Variants in DMD observed in about 807,000 individuals in gnomAD.
DMD encodes the protein dystrophin.
Under a neutral mutation model 330.1 loss-of-function variants are expected in DMD, and 63 were observed. The observed-to-expected ratio is 0.19, with a 90% confidence interval of 0.16 to 0.24. The LOEUF is 0.24. Among genes scored for constraint, DMD ranks in the 10% least tolerant of loss-of-function variants. The probability of loss-of-function intolerance (pLI) is 1.00; values close to 1 mark genes in which losing one functional copy is unlikely to be tolerated. For missense variants in DMD, 3,344 were observed against 2,684.1 expected, an observed-to-expected ratio of 1.25 and a Z score of -5.43; for synonymous variants, 1,223 against 959.8, an observed-to-expected ratio of 1.27 and a Z score of -5.07.
intron 45 of DMD, among the ~76,000 whole-genome samples, chrX:31,948,412 A>T (rs1455312242): frequency 9.0e-6 from 1 of 111,369 alleles, no homozygotes; most frequent in Non-Finnish European, 1.9e-5. Context: ...ATCATATGGT[A>T]GTTCTATTTT....
intron 55 of DMD, among the ~76,000 whole-genome samples, chrX:31,594,778 A>C (rs1192558660): frequency 9.0e-6 from 1 of 111,044 alleles, no homozygotes; most frequent in Non-Finnish European, 1.9e-5. Context: ...CATATCATTG[A>C]GACCCACACT....
intron 11 of DMD, among the ~76,000 whole-genome samples, chrX:32,617,109 G>A (rs1462379339): frequency 9.1e-6 from 1 of 110,343 alleles, no homozygotes; most frequent in East Asian, 2.9e-4. Context: ...AAGCACAAAT[G>A]GTCAACTGAG....
chrX:31,562,007 C>A (rs778915337), intron 55 of DMD, among the ~76,000 whole-genome samples: 5 of 112,063 alleles, frequency 4.5e-5, no homozygotes, highest in Non-Finnish European at 9.4e-5. Context: ...TATATCTCTC[C>A]ATTCCTCCTT....
At chrX:32,240,216 C>G (rs2097202864) in intron 43 of DMD, among the ~76,000 whole-genome samples, 2 of 111,918 alleles carry the variant, frequency 1.8e-5, no homozygotes, top group African/African-American at 6.5e-5. Context: ...CATTACATAT[C>G]ATTAATTGTA....
chrX:32,592,730 G>C (rs1365828105), intron 13 of DMD, among the ~76,000 whole-genome samples: 8 of 112,377 alleles, frequency 7.1e-5, no homozygotes, highest in Non-Finnish European at 9.4e-5. Flanking sequence ...AAACAGAGAA[G>C]AGCTGTGGCC....
intron 7 of DMD, among the ~76,000 whole-genome samples, chrX:32,707,102 A>T (rs1385602881): frequency 1.1e-5 from 1 of 89,876 alleles, no homozygotes; most frequent in Non-Finnish European, 1.9e-5. Context: ...GGAGGGGGTA[A>T]AAAAAAATCT....
rs901398784 is a variant in DMD, at chrX:32,500,555, T to G, written c.2380+1200A>C. On this transcript the variant is annotated intron_variant, in intron 19 of 78. Coordinates refer to ENST00000357033, the MANE Select transcript of DMD (RefSeq NM_004006.3). ...TCAGCTTATTAAAATGAAAAAGTGATAATACAGTTTCTAGGGGGAACTTAC... is the reference window on the plus strand; with the variant it reads ...TCAGCTTATTAAAATGAAAAAGTGAGAATACAGTTTCTAGGGGGAACTTAC... 3.6e-5 allele frequency among the ~76,000 whole-genome samples: 4 copies of G among 111,858 alleles called. No individual in the cohort carries two copies. The South Asian group carries it at 1.1e-3, about 31-fold the overall frequency.
intron 1 of DMD, among the ~76,000 whole-genome samples, chrX:33,161,211 A>C (rs1277086098): frequency 9.0e-6 from 1 of 111,606 alleles, no homozygotes; most frequent in Non-Finnish European, 1.9e-5. Context: ...TAGTCACATC[A>C]TTTATATCAT....
At chrX:32,308,297 T>C in intron 42 of DMD, among the ~76,000 whole-genome samples, 1 of 111,481 alleles carries the variant, frequency 9.0e-6, no homozygotes, top group Non-Finnish European at 1.9e-5. Context: ...CTTACTATAG[T>C]TCTGTAATTT....
intron 30 of DMD, among the ~76,000 whole-genome samples, chrX:32,405,688 T>C (rs2098113378): frequency 9.0e-6 from 1 of 111,658 alleles, no homozygotes; most frequent in African/African-American, 3.3e-5. Context: ...GGTAGCATGA[T>C]GACTCCAGCT....
At chrX:32,533,220 A>G (rs1254871484) in intron 17 of DMD, among the ~76,000 whole-genome samples, 3 of 111,268 alleles carry the variant, frequency 2.7e-5, no homozygotes, top group Non-Finnish European at 5.7e-5. Context: ...CTCTCTCAAA[A>G]ATATGCAATG....
chrX:33,315,426 C>T (rs766952923), intron 1 of DMD, among the ~76,000 whole-genome samples: 4 of 111,685 alleles, frequency 3.6e-5, no homozygotes, highest in Admixed American at 9.5e-5. Context: ...TAAAGTCAGC[C>T]ATGTGAGTGT....
intron 7 of DMD, among the ~76,000 whole-genome samples, chrX:32,793,139 C>T (rs1339178102): frequency 8.9e-6 from 1 of 111,783 alleles, no homozygotes; most frequent in Non-Finnish European, 1.9e-5. Flanking sequence ...AAAAGAGAAA[C>T]TTTGGAACCT....
At chrX:32,149,262 T>C (rs774856009) in intron 44 of DMD, among the ~76,000 whole-genome samples, 12 of 111,837 alleles carry the variant, frequency 1.1e-4, no homozygotes, top group South Asian at 3.7e-4. Context: ...TTTTCTTCTA[T>C]GCTTCAAGTT....
intron 44 of DMD, among the ~76,000 whole-genome samples, chrX:32,201,490 G>A (rs1402848238): frequency 2.2e-5 from 2 of 89,291 alleles, no homozygotes; most frequent in Admixed American, 1.3e-4. Context: ...CCCCAACAAG[G>A]AGGCCATATT....
At chrX:33,320,640 G>T (rs1312102017) in intron 1 of DMD, among the ~76,000 whole-genome samples, 1 of 112,193 alleles carries the variant, frequency 8.9e-6, no homozygotes, top group Non-Finnish European at 1.9e-5. Flanking sequence ...GAAGGTGGGA[G>T]TGACTGTGAC....
chrX:31,511,889 G>C (rs1230405104), intron 55 of DMD, among the ~76,000 whole-genome samples: 24 of 104,857 alleles, frequency 2.3e-4, no homozygotes, highest in South Asian at 4.7e-4. Flanking sequence ...TCTAGTTCTA[G>C]ATCCCTGAGG....
chrX:32,650,622 T>A (rs2060087756), intron 9 of DMD, among the ~76,000 whole-genome samples: 1 of 112,091 alleles, frequency 8.9e-6, no homozygotes, highest in South Asian at 3.7e-4. Flanking sequence ...ATAAAAATGA[T>A]TACTGAAGTG....
At chrX:32,002,748 A>T (rs1174864745) in intron 44 of DMD, among the ~76,000 whole-genome samples, 1 of 111,128 alleles carries the variant, frequency 9.0e-6, no homozygotes, top group African/African-American at 3.3e-5. Context: ...GCAGATATAA[A>T]GTACCTAGTC....
Sources: allele counts gnomAD v4.1 joint callset (sites outside exome capture counted in the v4.1 genomes callset), GRCh38; gene constraint gnomAD v4.1.1; transcripts MANE v1.5; gene names NCBI Gene and HGNC (gene_info 2026-07-23, HGNC 2026-07-21).